Variants in RFX3 observed in about 807,000 individuals in gnomAD.
RFX3 encodes the protein regulatory factor X3, also known as transcription factor RFX3.
RFX3 carries 14 observed loss-of-function variants against 98.6 expected under a neutral mutation model. The observed-to-expected ratio is 0.14, with a 90% confidence interval of 0.09 to 0.22. RFX3 has a LOEUF of 0.22. Ranked by LOEUF, RFX3 falls within the 10% of genes least tolerant of loss-of-function variation. The pLI is 1.00. For synonymous variants in RFX3, 383 were observed against 328.4 expected, an observed-to-expected ratio of 1.17 and a Z score of -1.80; for missense variants, 639 against 926.9, an observed-to-expected ratio of 0.69 and a Z score of 4.03.
At chr9:3,523,256 A>G (rs955805155) in intron 1 of RFX3, among the ~76,000 whole-genome samples, 3 of 152,220 alleles carry the variant, frequency 2.0e-5, no homozygotes, top group Non-Finnish European at 2.9e-5. Flanking sequence ...AATTTCTATT[A>G]GTATAAAAAC....
At chr9:3,502,229 G>A (rs1788912785) in intron 1 of RFX3, among the ~76,000 whole-genome samples, 1 of 151,106 alleles carries the variant, frequency 6.6e-6, no homozygotes, top group African/African-American at 2.4e-5. Context: ...CTGCACTCCA[G>A]CCTGGGAGAC....
At chr9:3,286,082 A>G (rs1286585731) in intron 7 of RFX3, among the ~76,000 whole-genome samples, 1 of 151,854 alleles carries the variant, frequency 6.6e-6, no homozygotes, top group African/African-American at 2.4e-5. Context: ...ATAATTTATT[A>G]AGTTTTTATT....
chr9:3,256,939 C>T (rs1185136811), intron 14 of RFX3, 52 bp downstream of exon 14: 28 of 1,472,980 alleles, frequency 1.9e-5, no homozygotes, highest in Non-Finnish European at 2.6e-5. Context: ...CACATACACA[C>T]ACATATTTGC....
chr9:3,327,198 T>TAA (rs966186162), intron 4 of RFX3, among the ~76,000 whole-genome samples: 3 of 146,694 alleles, frequency 2.0e-5, no homozygotes, highest in African/African-American at 5.0e-5. Flanking sequence ...TGGCATCTCC[T>TAA]AAAAAAAAAA....
chr9:3,489,986 T>C (rs549257116), intron 1 of RFX3, among the ~76,000 whole-genome samples: 1 of 152,294 alleles, frequency 6.6e-6, no homozygotes, highest in Non-Finnish European at 1.5e-5. Flanking sequence ...CTTCTGGTTT[T>C]TACAGCACCA....
chr9:3,479,003 A>T (rs529875411), intron 1 of RFX3, among the ~76,000 whole-genome samples: 1 of 152,282 alleles, frequency 6.6e-6, no homozygotes, highest in East Asian at 1.9e-4. Context: ...TTGGGACAAA[A>T]TATTAACTGT....
At chr9:3,248,000 C>T (rs145230544) in intron 15 of RFX3, 32 bp downstream of exon 15, 296 of 1,613,846 alleles carry the variant, frequency 1.8e-4, no homozygotes, top group Non-Finnish European at 2.3e-4. Context: ...TTTAATAACC[C>T]AGTGGGTCAC....
intron 1 of RFX3, among the ~76,000 whole-genome samples, chr9:3,415,061 CATAT>C (rs200691543): frequency 0.2 from 25,334 of 128,448 alleles, 3,791 homozygotes; most frequent in African/African-American, 0.45. Context: ...TATATATACT[CATAT>C]ATAAGTATAT....
At chr9:3,245,418 G>A (rs1476958409) in intron 15 of RFX3, among the ~76,000 whole-genome samples, 3 of 152,150 alleles carry the variant, frequency 2.0e-5, no homozygotes, top group African/African-American at 7.2e-5. Context: ...GAGGGGCAGG[G>A]CCAGATCATG....
intron 1 of RFX3, among the ~76,000 whole-genome samples, chr9:3,425,093 C>T (rs182720365): frequency 1.3e-3 from 199 of 152,200 alleles, no homozygotes; most frequent in African/African-American, 4.4e-3. Context: ...TAAAACTTAG[C>T]CAGGCATGGT....
rs1368836887 is a variant in RFX3 at position 3,220,164 on chromosome 9, CCT to C, written c.*4876_*4877del. ...TTTTGGAGCATAGATAAAATTATGC[CCT>C]GTGTGAAATTCGCAAACAATATTTT... On this transcript the variant is annotated 3_prime_UTR_variant, in exon 17 of 17. Coordinates refer to ENST00000617270, the MANE Select transcript of RFX3 (RefSeq NM_001282116.2). 1.3e-5 allele frequency: 2 copies of C among 152,046 alleles called. No individual in the cohort carries two copies. Among genetic ancestry groups the C allele is most frequent in the Admixed American group, 6.6e-5 (1 of 15,260 alleles). The allele number at this position is 152,046 out of a possible 1,614,324, so 9.4% of individuals were successfully genotyped here.
intron 1 of RFX3, among the ~76,000 whole-genome samples, chr9:3,501,080 T>C (rs1053101411): frequency 1.3e-5 from 2 of 152,192 alleles, no homozygotes; most frequent in African/African-American, 2.4e-5. Context: ...AGTGTGGCAT[T>C]CGTAAAAGAA....
At chr9:3,306,624 T>C (rs770315350) in intron 4 of RFX3, among the ~76,000 whole-genome samples, 5 of 139,928 alleles carry the variant, frequency 3.6e-5, no homozygotes, top group Non-Finnish European at 7.8e-5. Flanking sequence ...GGGGGAGGGA[T>C]ACCATTAGGA....
rs183900533 is a variant in RFX3 at position 3,222,431 on chromosome 9, A to G, written c.*2611T>C. The G allele has an allele frequency of 1.3e-5, 2 of 152,324 alleles. No individual in the cohort carries two copies. The highest frequency in any genetic ancestry group is 1.9e-4 in the East Asian group (1 of 5,194). 9.4% of individuals were successfully genotyped at this position (152,324 alleles called of 1,614,324 possible). Reference sequence around the variant, plus strand: ...CATCCCCGATCCCTAAGCCTCATCAATCTAAATTTGCCCATTATTACCAGA... The same window carrying G: ...CATCCCCGATCCCTAAGCCTCATCAGTCTAAATTTGCCCATTATTACCAGA... On this transcript the variant is annotated 3_prime_UTR_variant, in exon 17 of 17. Coordinates refer to ENST00000617270, the MANE Select transcript of RFX3 (RefSeq NM_001282116.2).
At chr9:3,260,071 G>A (rs1467165280) in intron 13 of RFX3, among the ~76,000 whole-genome samples, 1 of 151,932 alleles carries the variant, frequency 6.6e-6, no homozygotes, top group Non-Finnish European at 1.5e-5. Flanking sequence ...AGAAATAAGG[G>A]TGTTAAAGAG....
intron 1 of RFX3, among the ~76,000 whole-genome samples, chr9:3,455,915 C>A (rs1360969581): frequency 6.6e-6 from 1 of 152,168 alleles, no homozygotes; most frequent in Non-Finnish European, 1.5e-5. Flanking sequence ...TTTGTGCTGA[C>A]AGAGCAATAC....
At chr9:3,378,788 T>A (rs887333264) in intron 2 of RFX3, among the ~76,000 whole-genome samples, 2 of 152,082 alleles carry the variant, frequency 1.3e-5, no homozygotes, top group Non-Finnish European at 2.9e-5. Flanking sequence ...ACTCCTGACC[T>A]CAGGTGGTCC....
intron 14 of RFX3, among the ~76,000 whole-genome samples, chr9:3,255,102 G>A (rs936730441): frequency 6.6e-6 from 1 of 152,170 alleles, no homozygotes; most frequent in Admixed American, 6.5e-5. Flanking sequence ...AGGACGTAAG[G>A]ATAATTTAAC....
chr9:3,481,838 T>TG (rs1849790453), intron 1 of RFX3, among the ~76,000 whole-genome samples: 2 of 151,644 alleles, frequency 1.3e-5, no homozygotes, highest in Non-Finnish European at 2.9e-5. Flanking sequence ...TTCAAATAGA[T>TG]TTATTCAACT....
Sources: allele counts gnomAD v4.1 joint callset (sites outside exome capture counted in the v4.1 genomes callset), GRCh38; gene constraint gnomAD v4.1.1; transcripts MANE v1.5; gene names NCBI Gene and HGNC (gene_info 2026-07-23, HGNC 2026-07-21).